The following ADGRB1 variants were observed in gnomAD, a reference collection of about 807,000 sequenced individuals.
ADGRB1 encodes the protein brain-specific angiogenesis inhibitor 1.
A neutral mutation model predicts 175.7 loss-of-function variants in ADGRB1; 36 were observed. The observed-to-expected ratio is 0.20, with a 90% CI of 0.16 to 0.27. The LOEUF is 0.27. Ranked by LOEUF, ADGRB1 falls within the 10% of genes least tolerant of loss-of-function variation. ADGRB1 has a pLI of 1.00. For synonymous variants in ADGRB1, 1,054 were observed against 979.4 expected (o/e 1.08, Z -1.42); for missense variants, 1,731 against 2,255.3 (o/e 0.77, Z 4.71).
At chr8:142,473,457 A>G (rs1224324247) in intron 2 of ADGRB1, among the ~76,000 whole-genome samples, 1 of 152,192 alleles carries the variant, frequency 6.6e-6, no homozygotes, top group African/African-American at 2.4e-5. Flanking sequence ...TCTGACCACC[A>G]GTTCAAGTCC....
chr8:142,509,678 C>A (rs765430607), intron 17 of ADGRB1, among the ~76,000 whole-genome samples: 40 of 152,328 alleles, frequency 2.6e-4, no homozygotes, highest in Non-Finnish European at 5.1e-4. Flanking sequence ...ATAGGAAGAC[C>A]CTCGACTTGG....
chr8:142,522,553 C>A, intron 21 of ADGRB1, 88 bp from the exon 22 acceptor site: 2 of 1,339,482 alleles, frequency 1.5e-6, no homozygotes, highest in African/African-American at 1.5e-5. Flanking sequence ...CCTGCCTGGC[C>A]CCCGCCCTTC....
chr8:142,523,115 T>C (rs1843948481), intron 22 of ADGRB1, among the ~76,000 whole-genome samples: 1 of 152,282 alleles, frequency 6.6e-6, no homozygotes, highest in African/African-American at 2.4e-5. Context: ...AGCAGGCCTG[T>C]GGCAGGCAGG....
rs1377039594 is a variant in ADGRB1 at position 142,542,428 on chromosome 8, C to A, written c.4194C>A (p.Pro1398=). ...CCCGCAGCCCGCCCTCCCGCCAGCC[C>A]CCCAGCGGCGGGCCCCCCGAGGCAC... is the stretch of plus-strand genomic sequence containing the variant. ...LPARSPPSRQ[P]PSGGPPEAPP... The change falls in exon 28 of 31, where the codon CCC becomes CCA. Residue 1398 remains proline (P), a synonymous_variant. Transcript: ENST00000517894. The surrounding 1 kb of genome is among the most constrained non-coding windows in gnomAD (Gnocchi z 6.3). The A allele has an allele frequency of 1.3e-6, 2 of 1,523,956 alleles. No homozygotes were observed. Among genetic ancestry groups the A allele is most frequent in the Non-Finnish European group, 1.8e-6 (2 of 1,135,490 alleles). The allele number at this position is 1,523,956 out of a possible 1,614,324, so 94.4% of individuals were successfully genotyped here. A position where few individuals can be genotyped will look rare whatever the true frequency, so the allele number is the denominator to read the frequency against.
chr8:142,488,490 TCTC>T lies in ADGRB1; in HGVS notation c.2437_2439del (p.Ser813del). The T allele has an allele frequency of 6.2e-7, 1 of 1,612,640 alleles. No individual in the cohort carries two copies. The highest frequency in any genetic ancestry group is 8.5e-7 in the Non-Finnish European group (1 of 1,179,728). On this transcript the variant is annotated inframe_deletion, in exon 14 of 31. Coordinates refer to ENST00000517894, the MANE Select transcript of ADGRB1 (RefSeq NM_001702.3). ...AGGGTCACTGTGTCCAAGAGTGTCT[TCTC>T]CACGGGGCTGACAGGTGAGGGGCCC...
At chr8:142,479,216 G>A (rs933552018) in intron 7 of ADGRB1, 107 bp from the exon 8 acceptor site, 37 of 1,255,060 alleles carry the variant, frequency 2.9e-5, no homozygotes, top group Non-Finnish European at 3.8e-5. Flanking sequence ...ATGTTTCACT[G>A]CCGCATGGCT....
Position 142,507,512 on chromosome 8 carries a change from G to A in ADGRB1, c.2676-3420G>A, listed in dbSNP as rs556155216. Reference sequence around the variant, plus strand: ...CCCTCAGCAGAGTAGGCAGCAGCCCGTCTCTCTCCCTGCCCCCAGAGGCCG... The same window carrying A: ...CCCTCAGCAGAGTAGGCAGCAGCCCATCTCTCTCCCTGCCCCCAGAGGCCG... On this transcript the variant is annotated intron_variant, in intron 17 of 30. Coordinates refer to ENST00000517894, the MANE Select transcript of ADGRB1 (RefSeq NM_001702.3). Among the ~76,000 whole-genome samples, 63 of 152,310 alleles carry A rather than the reference G, an allele frequency of 4.1e-4. 1 individual carries two copies. The highest frequency in any genetic ancestry group is 2.9e-3 in the Admixed American group (45 of 15,296).
chr8:142,479,576 T>C, intron 8 of ADGRB1, 89 bp downstream of exon 8: 1 of 1,525,108 alleles, frequency 6.6e-7, no homozygotes, highest in South Asian at 1.3e-5. Flanking sequence ...CGTGGTGTGT[T>C]GGGGGCTCCC....
chr8:142,463,325 C>T (rs896799974), intron 1 of ADGRB1, among the ~76,000 whole-genome samples: 2 of 152,186 alleles, frequency 1.3e-5, no homozygotes, highest in Non-Finnish European at 2.9e-5. Context: ...TGGGGGGGCA[C>T]CAAATCTGAA....
At chr8:142,486,368 A>T (rs1332877321) in intron 13 of ADGRB1, among the ~76,000 whole-genome samples, 1 of 152,242 alleles carries the variant, frequency 6.6e-6, no homozygotes, top group African/African-American at 2.4e-5. Flanking sequence ...TGAAGGCTCG[A>T]ACTCTGATCC....
chr8:142,537,973 G>A lies in ADGRB1; in HGVS notation c.3666+891G>A, dbSNP rs922107076. Among the ~76,000 whole-genome samples the A allele has an allele frequency of 2.6e-5, 4 of 152,146 alleles. No homozygotes were observed. The highest frequency in any genetic ancestry group is 9.7e-5 in the African/African-American group (4 of 41,410). On this transcript the variant is annotated intron_variant, in intron 26 of 30. Transcript: ENST00000517894. The surrounding 1 kb of genome is among the most constrained non-coding windows in gnomAD (Gnocchi z 4.6). ...TCTGCACCCAGAGGCTAGCACACAG[G>A]GTGGAGCCAGGCCCCCTTCTCCACC...
intron 17 of ADGRB1, among the ~76,000 whole-genome samples, chr8:142,495,477 A>G (rs1418180187): frequency 4.6e-5 from 7 of 152,158 alleles, no homozygotes; most frequent in Non-Finnish European, 1.0e-4. Context: ...GTTTAAAACA[A>G]CAGATATCTA....
At chr8:142,489,478 A>T in intron 16 of ADGRB1, 40 bp downstream of exon 16, 1 of 1,591,672 alleles carries the variant, frequency 6.3e-7, no homozygotes, top group Non-Finnish European at 8.6e-7. Flanking sequence ...GCCAGCAGAA[A>T]CGCGTGTGCG....
rs1290599131 is a variant in ADGRB1 at position 142,476,791 on chromosome 8, A to T, written c.1057+96A>T. ...AGTTATGGGTAGTAACTTGAATAAC[A>T]TGCCATAACTAGACTAAACCCTTAG... is the stretch of plus-strand genomic sequence containing the variant. On this transcript the variant is annotated intron_variant, in intron 4 of 30. Coordinates refer to ENST00000517894, the MANE Select transcript of ADGRB1 (RefSeq NM_001702.3). 12 of 1,230,020 alleles carry T rather than the reference A, an allele frequency of 9.8e-6. No homozygotes were observed. The African/African-American group carries it at 1.5e-4, about 15-fold the overall frequency. The allele number at this position is 1,230,020 out of a possible 1,614,324, so 76.2% of individuals were successfully genotyped here. A position where few individuals can be genotyped will look rare whatever the true frequency, so the allele number is the denominator to read the frequency against.
chr8:142,458,509 A>G (rs1377017906), intron 1 of ADGRB1, among the ~76,000 whole-genome samples: 1 of 152,150 alleles, frequency 6.6e-6, no homozygotes, highest in Non-Finnish European at 1.5e-5. Context: ...GTCAGTGTGT[A>G]GTGAACGTTG....
Position 142,474,953 on chromosome 8 carries a change from G to A in ADGRB1, c.785-521G>A, listed in dbSNP as rs538915551. 2.6e-5 allele frequency among the ~76,000 whole-genome samples: 4 copies of A among 152,248 alleles called. No individual in the cohort carries two copies. The highest frequency in any genetic ancestry group is 9.6e-5 in the African/African-American group (4 of 41,544). ...GATCACCACTGGTATACCTGCGTGG[G>A]GTGAAGAAGCGGCTCCAGGTCACAG... On this transcript the variant is annotated intron_variant, in intron 2 of 30. Transcript: ENST00000517894. The surrounding 1 kb of genome is among the most constrained non-coding windows in gnomAD (Gnocchi z 5.8).
intron 5 of ADGRB1, 37 bp downstream of exon 5, chr8:142,477,315 G>C: frequency 2.1e-6 from 3 of 1,462,112 alleles, no homozygotes; most frequent in Non-Finnish European, 2.8e-6. Flanking sequence ...CGGACAGCCA[G>C]GGCAGCGGGG....
intron 10 of ADGRB1, 66 bp downstream of exon 10, chr8:142,481,426 C>T (rs1841331492): frequency 1.2e-6 from 2 of 1,601,462 alleles, no homozygotes; most frequent in Admixed American, 3.4e-5. Flanking sequence ...GGTTGGGACC[C>T]TGCAGAGGGT....
At chr8:142,454,523 G>A (rs565050322) in intron 1 of ADGRB1, among the ~76,000 whole-genome samples, 2 of 152,324 alleles carry the variant, frequency 1.3e-5, no homozygotes, top group Middle Eastern at 6.8e-3. Context: ...CAGACCTACA[G>A]ACCGCACGAT....
Sources: allele counts gnomAD v4.1 joint callset (sites outside exome capture counted in the v4.1 genomes callset), GRCh38; gene constraint gnomAD v4.1.1; non-coding constraint Gnocchi (gnomAD v3.1); transcripts MANE v1.5; gene names NCBI Gene and HGNC (gene_info 2026-07-23, HGNC 2026-07-21).